ETNK1: variants seen among roughly 807,000 people sequenced by gnomAD.
ETNK1 encodes ethanolamine kinase 1.
In ETNK1, 8 loss-of-function variants were observed where a neutral mutation model predicts 45.1. That is an observed-to-expected ratio of 0.18 (90% CI 0.10 to 0.32). The LOEUF (loss-of-function observed/expected upper bound fraction) is 0.32, where lower values mean the gene tolerates loss of function less well. ETNK1 is among the 10% of genes least tolerant of loss of function. The pLI, the probability that ETNK1 is intolerant of heterozygous loss-of-function variation, is 1.00. For synonymous variants in ETNK1, 152 were observed against 151.9 expected (o/e 1.00, Z -0.01); for missense variants, 302 against 430.6 (o/e 0.70, Z 2.64).
chr12:22,644,407 G>C, intron 2 of ETNK1: 1 of 1,249,400 alleles, frequency 8.0e-7, no homozygotes, highest in Non-Finnish European at 1.0e-6. Context: ...TTATTAATTT[G>C]GTTAACAATT....
At chr12:22,669,481 A>G (rs541028748) in intron 4 of ETNK1, among the ~76,000 whole-genome samples, 4 of 151,932 alleles carry the variant, frequency 2.6e-5, no homozygotes, top group South Asian at 2.1e-4. Context: ...ACTACTTAGT[A>G]TCTCCTTTTC....
At chr12:22,653,983 G>A (rs1010022354) in intron 2 of ETNK1, among the ~76,000 whole-genome samples, 18 of 152,254 alleles carry the variant, frequency 1.2e-4, no homozygotes, top group Middle Eastern at 3.4e-3. Flanking sequence ...GAATATTTGT[G>A]TTCCCTCAAA....
chr12:22,655,921 G>A (rs138157530), intron 2 of ETNK1, among the ~76,000 whole-genome samples: 2,323 of 152,294 alleles, frequency 0.015, 30 homozygotes, highest in Middle Eastern at 0.037. Context: ...CAGCGTTATA[G>A]GGGTGTTCTA....
At chr12:22,644,053 G>C in intron 2 of ETNK1, 31 bp downstream of exon 2, 1 of 1,414,028 alleles carries the variant, frequency 7.1e-7, no homozygotes. Context: ...TTTTCCTTTT[G>C]AAAAATAGGG....
At chr12:22,665,130 C>T (rs116551592) in intron 4 of ETNK1, among the ~76,000 whole-genome samples, 332 of 152,104 alleles carry the variant, frequency 2.2e-3, no homozygotes, top group African/African-American at 7.5e-3. Context: ...TAAACACATT[C>T]GAGTTTAGAT....
chr12:22,630,643 C>T (rs527726958), intron 1 of ETNK1, among the ~76,000 whole-genome samples: 8 of 152,092 alleles, frequency 5.3e-5, no homozygotes, highest in South Asian at 2.1e-4. Flanking sequence ...GACAGAGTCT[C>T]GCTGTAGCCC....
intron 2 of ETNK1, among the ~76,000 whole-genome samples, chr12:22,644,802 T>C (rs1023918252): frequency 2.6e-5 from 4 of 152,076 alleles, no homozygotes; most frequent in Admixed American, 2.6e-4. Context: ...CACTGTACAC[T>C]TGTGAAAGAG....
intron 5 of ETNK1, 59 bp downstream of exon 5, chr12:22,671,414 CT>C: frequency 8.8e-7 from 1 of 1,136,590 alleles, no homozygotes; most frequent in Non-Finnish European, 1.3e-6. Flanking sequence ...ATATTTCATT[CT>C]TTTTTTAAAG....
At chr12:22,632,818 T>C (rs757693803) in intron 1 of ETNK1, among the ~76,000 whole-genome samples, 1 of 152,162 alleles carries the variant, frequency 6.6e-6, no homozygotes, top group African/African-American at 2.4e-5. Flanking sequence ...TTTTGCCTCT[T>C]TTTGAATTTT....
At chr12:22,658,009 T>G (rs1039339617) in intron 2 of ETNK1, among the ~76,000 whole-genome samples, 3 of 152,194 alleles carry the variant, frequency 2.0e-5, no homozygotes, top group Non-Finnish European at 4.4e-5. Context: ...TTAAAATCAC[T>G]TGGGAAGGTT....
chr12:22,643,802 T>A lies in ETNK1; in HGVS notation c.196T>A (p.Tyr66Asn). ...AATCACAAATAAACTTATTGGCTGT[T>A]ACGTGGGAAACACCATGGAGGATGT... ...DGITNKLIGC[Y>N]VGNTMEDVVL... Residue 66 changes from tyrosine (Y) to asparagine (N), a missense_variant, in exon 2 of 8, where the codon TAC becomes AAC. Transcript: ENST00000266517. 6.2e-7 allele frequency: 1 copy of A among 1,613,046 alleles called. No homozygotes were observed. Among genetic ancestry groups the A allele is most frequent in the Non-Finnish European group, 8.5e-7 (1 of 1,179,284 alleles).
At chr12:22,680,915 G>A (rs1404164189) in intron 6 of ETNK1, among the ~76,000 whole-genome samples, 1 of 98,182 alleles carries the variant, frequency 1.0e-5, no homozygotes, top group Non-Finnish European at 2.0e-5. Flanking sequence ...TCCATTATAT[G>A]CACACTGGGG....
chr12:22,679,583 A>G (rs867139422), intron 6 of ETNK1, among the ~76,000 whole-genome samples: 29 of 152,120 alleles, frequency 1.9e-4, no homozygotes, highest in Admixed American at 1.3e-4. Context: ...GTTGACACCT[A>G]ACATTAACCA....
intron 2 of ETNK1, among the ~76,000 whole-genome samples, chr12:22,651,440 T>C (rs1037164485): frequency 6.6e-6 from 1 of 152,120 alleles, no homozygotes; most frequent in African/African-American, 2.4e-5. Flanking sequence ...GTCTGCAGCT[T>C]GAATTTTCAG....
intron 6 of ETNK1, among the ~76,000 whole-genome samples, chr12:22,678,486 G>A (rs776328631): frequency 3.3e-5 from 5 of 152,184 alleles, no homozygotes; most frequent in Non-Finnish European, 7.3e-5. Context: ...AATGATCAAA[G>A]TCTGGTTTCA....
chr12:22,682,952 T>C (rs990537724), intron 6 of ETNK1, among the ~76,000 whole-genome samples: 9 of 152,198 alleles, frequency 5.9e-5, no homozygotes, highest in African/African-American at 2.2e-4. Context: ...CAATACCTGA[T>C]ATACTTTTTT....
chr12:22,675,542 G>C (rs1954152201), intron 6 of ETNK1, among the ~76,000 whole-genome samples: 1 of 152,054 alleles, frequency 6.6e-6, no homozygotes, highest in Admixed American at 6.5e-5. Context: ...ACTTTTTGGA[G>C]AGACAAGGTC....
At chr12:22,677,484 G>A (rs924392541) in intron 6 of ETNK1, among the ~76,000 whole-genome samples, 1 of 152,168 alleles carries the variant, frequency 6.6e-6, no homozygotes, top group African/African-American at 2.4e-5. Flanking sequence ...GATTGTCTTG[G>A]CTATGCAGGG....
intron 2 of ETNK1, chr12:22,656,664 TC>T (rs1294182053): frequency 4.1e-6 from 4 of 985,208 alleles, no homozygotes; most frequent in African/African-American, 3.5e-5. Flanking sequence ...TTCTGACAGT[TC>T]CAGCACGTGT....
Sources: gnomAD v4.1 joint callset for allele counts (sites outside exome capture counted in the v4.1 genomes callset) on GRCh38, gnomAD v4.1.1 for gene constraint, MANE v1.5 for transcripts, NCBI Gene and HGNC (gene_info 2026-07-23, HGNC 2026-07-21) for gene names.